Variants in POLD3 observed in about 807,000 individuals in gnomAD.
POLD3 encodes DNA polymerase delta 3, accessory subunit.
A neutral mutation model predicts 58.2 loss-of-function variants in POLD3; 19 were observed. That is an observed-to-expected ratio of 0.33 (90% CI 0.23 to 0.48). The LOEUF is 0.48. Ranked by LOEUF, POLD3 falls within the 20% of genes least tolerant of loss-of-function variation. The pLI, the probability that POLD3 is intolerant of heterozygous loss-of-function variation, is 0.99. For missense variants in POLD3, 504 were observed against 545.5 expected (o/e 0.92, Z 0.76); for synonymous variants, 172 against 193.5 (o/e 0.89, Z 0.92).
intron 4 of POLD3, among the ~76,000 whole-genome samples, chr11:74,650,929 T>C (rs7948084): frequency 0.027 from 4,158 of 152,318 alleles, 227 homozygotes; most frequent in African/African-American, 0.094. Flanking sequence ...TGAGGGAGCC[T>C]CATAAATTAT....
chr11:74,623,076 A>G (rs774093200), intron 7 of POLD3, among the ~76,000 whole-genome samples: 4 of 152,368 alleles, frequency 2.6e-5, no homozygotes, highest in South Asian at 2.1e-4. Flanking sequence ...GAAAGAAGCC[A>G]GATAGAAAAG....
intron 3 of POLD3, among the ~76,000 whole-genome samples, chr11:74,608,925 A>T (rs2031790772): frequency 6.6e-6 from 1 of 152,246 alleles, no homozygotes; most frequent in South Asian, 2.1e-4. Flanking sequence ...TTATGAGAAC[A>T]TTAATAATCC....
At chr11:74,636,643 T>G (rs537172551) in intron 11 of POLD3, among the ~76,000 whole-genome samples, 10 of 152,188 alleles carry the variant, frequency 6.6e-5, no homozygotes, top group Non-Finnish European at 1.0e-4. Flanking sequence ...GGGCTTAAGA[T>G]GTTATCATAG....
At position 74,642,493 on chromosome 11, in the gene POLD3, A is replaced by G. The variant is rs150836414; in HGVS notation, c.*1727A>G. On this transcript the variant is annotated 3_prime_UTR_variant, in exon 12 of 12. Coordinates refer to ENST00000263681, the MANE Select transcript of POLD3 (RefSeq NM_006591.3). ...CAACAATCCAATCTTTTTTCTAAAA[A>G]TTATGCTGGGGTCTCGACTAAAACT... 2,521 of 985,176 alleles carry G rather than the reference A, an allele frequency of 2.6e-3. 64 individuals carry two copies. In the African/African-American group the frequency reaches 0.04, roughly 16 times the overall value. The allele number at this position is 985,176 out of a possible 1,614,324, so 61.0% of individuals were successfully genotyped here.
intron 8 of POLD3, among the ~76,000 whole-genome samples, chr11:74,628,599 A>ATT (rs1388728248): frequency 1.3e-5 from 2 of 151,948 alleles, no homozygotes; most frequent in Non-Finnish European, 2.9e-5. Flanking sequence ...GGAGTCTAGG[A>ATT]TTTTTTTTAT....
intron 3 of POLD3, among the ~76,000 whole-genome samples, chr11:74,607,099 C>T (rs1314933886): frequency 6.6e-6 from 1 of 151,914 alleles, no homozygotes; most frequent in Non-Finnish European, 1.5e-5. Context: ...GGGAATCCTC[C>T]TAAGGAAAGG....
intron 4 of POLD3, among the ~76,000 whole-genome samples, chr11:74,654,313 GT>G (rs1448286974): frequency 6.6e-6 from 1 of 152,192 alleles, no homozygotes; most frequent in Non-Finnish European, 1.5e-5. Flanking sequence ...ATCACATGAA[GT>G]AGACTTCAGA....
chr11:74,611,805 T>C (rs1032849930), intron 4 of POLD3, among the ~76,000 whole-genome samples: 3 of 152,230 alleles, frequency 2.0e-5, no homozygotes, highest in Admixed American at 1.3e-4. Context: ...GAAACTGTTA[T>C]GAATACCATA....
chr11:74,628,642 A>T (rs577976498), intron 8 of POLD3, among the ~76,000 whole-genome samples: 46 of 152,140 alleles, frequency 3.0e-4, no homozygotes, highest in Non-Finnish European at 5.7e-4. Context: ...CCTTAAAAGG[A>T]TATCTCTGCC....
At chr11:74,659,110 G>A (rs1449226956) in intron 4 of POLD3, among the ~76,000 whole-genome samples, 3 of 152,198 alleles carry the variant, frequency 2.0e-5, no homozygotes, top group Non-Finnish European at 4.4e-5. Flanking sequence ...TCTAGGCAGA[G>A]GTTCCCAAAC....
intron 7 of POLD3, 116 bp from the exon 8 acceptor site, chr11:74,625,292 G>A (rs1003799322): frequency 4.2e-6 from 3 of 712,406 alleles, no homozygotes; most frequent in Admixed American, 5.4e-5. Flanking sequence ...TAGTCCATGA[G>A]CTCCTTTTTG....
In POLD3 at chr11:74,608,313, G is replaced by T. The variant is rs551732240; in HGVS notation, c.220-3186G>T. ...TATTTTTATTTTTATTAGAGACGAG[G>T]TCTCACTATGTTGTCCAGACTGGTC... On this transcript the variant is annotated intron_variant, in intron 3 of 11. Coordinates refer to ENST00000263681, the MANE Select transcript of POLD3 (RefSeq NM_006591.3). Among the ~76,000 whole-genome samples the T allele has an allele frequency of 3.3e-5, 5 of 152,192 alleles. No individual in the cohort carries two copies. The East Asian group carries it at 7.7e-4, about 24-fold the overall frequency.
chr11:74,599,820 C>G (rs1468203988), intron 2 of POLD3, among the ~76,000 whole-genome samples: 3 of 152,072 alleles, frequency 2.0e-5, no homozygotes, highest in Non-Finnish European at 4.4e-5. Flanking sequence ...ATGGGCAATA[C>G]ACTGTACTCA....
At chr11:74,602,261 A>G (rs1207788929) in intron 2 of POLD3, among the ~76,000 whole-genome samples, 3 of 152,134 alleles carry the variant, frequency 2.0e-5, no homozygotes, top group Non-Finnish European at 4.4e-5. Context: ...AAGCTTTATA[A>G]CAAGGAATTA....
At chr11:74,645,684 A>G (rs2032990191), downstream of POLD3, among the ~76,000 whole-genome samples, 1 of 152,224 alleles carries the variant, frequency 6.6e-6, no homozygotes, top group South Asian at 2.1e-4. Context: ...TTTGACACCT[A>G]TTAAACTAAT....
intron 9 of POLD3, among the ~76,000 whole-genome samples, chr11:74,629,917 G>T (rs1449720707): frequency 2.6e-5 from 4 of 152,164 alleles, no homozygotes; most frequent in Admixed American, 2.0e-4. Context: ...TATAGAAAAA[G>T]AAGGAGGCTA....
intron 4 of POLD3, among the ~76,000 whole-genome samples, chr11:74,664,343 T>G (rs2033240629): frequency 6.6e-6 from 1 of 152,178 alleles, no homozygotes; most frequent in Non-Finnish European, 1.5e-5. Flanking sequence ...CATAGCAGCT[T>G]TATTCTAAAA....
At chr11:74,643,876 G>T (rs2032967009), downstream of POLD3, among the ~76,000 whole-genome samples, 1 of 152,166 alleles carries the variant, frequency 6.6e-6, no homozygotes. Flanking sequence ...ATTCTAGCGG[G>T]ATTAAAGAAA....
rs1476346202 is a variant in POLD3 at position 74,642,409 on chromosome 11, T to C, written c.*1643T>C. ...TGGAGAGAAATCCCTTTTAAACAGT[T>C]ACTTTTGTCATTGCCTCTGGTCATT... On this transcript the variant is annotated 3_prime_UTR_variant, in exon 12 of 12. Transcript: ENST00000263681. The C allele has an allele frequency of 1.0e-6, 1 of 985,044 alleles. No homozygotes were observed. Among genetic ancestry groups the C allele is most frequent in the African/African-American group, 1.7e-5 (1 of 57,254 alleles). 61.0% of individuals were successfully genotyped at this position (985,044 alleles called of 1,614,324 possible).
Sources: allele counts gnomAD v4.1 joint callset (sites outside exome capture counted in the v4.1 genomes callset), GRCh38; gene constraint gnomAD v4.1.1; transcripts MANE v1.5; gene names NCBI Gene and HGNC (gene_info 2026-07-23, HGNC 2026-07-21).